XKR6: variants seen among roughly 807,000 people sequenced by gnomAD.
The protein encoded by XKR6 is XK-related protein 6.
Under a neutral mutation model 56.7 loss-of-function variants are expected in XKR6, and 22 were observed. The ratio of observed to expected loss-of-function variants is 0.39; its 90% confidence interval spans 0.28 to 0.55. The LOEUF (loss-of-function observed/expected upper bound fraction) is 0.55, where lower values mean the gene tolerates loss of function less well. XKR6 is among the 20% of genes least tolerant of loss of function. The pLI is 0.66. For missense variants in XKR6, 852 were observed against 889.0 expected (o/e 0.96, Z 0.53); for synonymous variants, 524 against 387.8 (o/e 1.35, Z -4.13).
chr8:11,003,475 C>T (rs1197032514), intron 1 of XKR6, among the ~76,000 whole-genome samples: 1 of 152,200 alleles, frequency 6.6e-6, no homozygotes, highest in Non-Finnish European at 1.5e-5. Context: ...CATCAACCAC[C>T]ACCATCACCA....
intron 1 of XKR6, among the ~76,000 whole-genome samples, chr8:11,011,325 G>A (rs1355274032): frequency 2.0e-5 from 3 of 152,230 alleles, no homozygotes; most frequent in Admixed American, 6.5e-5. Context: ...GGCCAGCAAG[G>A]CTTCCCGGGG....
chr8:11,119,225 C>A lies in XKR6; in HGVS notation c.764+81351G>T, dbSNP rs1799328194. Among the ~76,000 whole-genome samples, 9 of 152,120 alleles carry A rather than the reference C, an allele frequency of 5.9e-5. No individual in the cohort carries two copies. In the South Asian group the frequency reaches 1.9e-3, roughly 32 times the overall value. On this transcript the variant is annotated intron_variant, in intron 1 of 2. Transcript: ENST00000416569. ...ACATTTGCTGAGGAGTGCTTTACTT[C>A]CAACTATGTGGTCAATTTTGGAATA...
chr8:10,907,367 A>G (rs1056653423), intron 2 of XKR6, among the ~76,000 whole-genome samples: 5 of 152,204 alleles, frequency 3.3e-5, no homozygotes, highest in African/African-American at 1.2e-4. Context: ...CTTCATGCAT[A>G]TCATGTCATC....
intron 1 of XKR6, among the ~76,000 whole-genome samples, chr8:11,084,035 C>T (rs1271729463): frequency 6.6e-6 from 1 of 152,218 alleles, no homozygotes; most frequent in Non-Finnish European, 1.5e-5. Flanking sequence ...TCCCTAAGTC[C>T]TGGCTTCCAG....
chr8:11,200,886 C>T lies in XKR6; in HGVS notation c.454G>A (p.Asp152Asn). Residue 152 changes from aspartate to asparagine, a missense_variant, in exon 1 of 3, where the codon GAC becomes AAC. Asp to Asn is a conservative substitution (Grantham distance 23, BLOSUM62 1). This residue lies in a region of XKR6 where 417 missense variants were observed against 355.2 expected (regional missense o/e 1.17). Transcript: ENST00000416569. The surrounding 1 kb of genome is among the most constrained non-coding windows in gnomAD (Gnocchi z 6.4). ...ACGTAGTCCCCCTTGCGGTAGTAGT[C>T]GAGGGCCAGCCACAGGTCGGTGCCC... ...DVGTDLWLAL[D>N]YYRKGDYVYF... 1.9e-6 allele frequency: 3 copies of T among 1,611,136 alleles called. No individual in the cohort carries two copies. The highest frequency in any genetic ancestry group is 2.5e-6 in the Non-Finnish European group (3 of 1,179,364).
At chr8:10,900,395 C>G (rs1800002084) in intron 2 of XKR6, among the ~76,000 whole-genome samples, 1 of 152,212 alleles carries the variant, frequency 6.6e-6, no homozygotes, top group African/African-American at 2.4e-5. Context: ...ACTCTCCCAG[C>G]ACTGGCTCTG....
chr8:11,049,750 AAAG>A (rs1393675333), intron 1 of XKR6, among the ~76,000 whole-genome samples: 1 of 152,204 alleles, frequency 6.6e-6, no homozygotes, highest in Non-Finnish European at 1.5e-5. Context: ...GATGGGTGAG[AAAG>A]AAGAAGAAAA....
intron 1 of XKR6, among the ~76,000 whole-genome samples, chr8:11,157,469 T>G (rs1231897826): frequency 6.7e-6 from 1 of 150,002 alleles, no homozygotes; most frequent in East Asian, 1.9e-4. Context: ...AAACCTAAAA[T>G]TATTTTAAAA....
chr8:10,898,677 T>C lies in XKR6; in HGVS notation c.1201A>G (p.Ile401Val). The change falls in exon 3 of 3, where the codon ATC becomes GTC. Residue 401 changes from isoleucine to valine, a missense_variant. Coordinates refer to ENST00000416569, the MANE Select transcript of XKR6 (RefSeq NM_173683.4). This position sits in a 1 kb window ranked among gnomAD's most constrained non-coding sequence, Gnocchi z 6.6. ...CAGAAGTCTGTTCCGCCATGGATGA[T>C]CCAGAAGGCCATGGCGCACCAGTGA... ...VVHWCAMAFW[I>V]IHGGTDFCMS... is the part of the protein sequence containing the mutation. 6.2e-7 allele frequency: 1 copy of C among 1,614,030 alleles called. No individual in the cohort carries two copies. The highest frequency in any genetic ancestry group is 8.5e-7 in the Non-Finnish European group (1 of 1,180,026).
At chr8:11,120,003 TC>T (rs1192486588) in intron 1 of XKR6, among the ~76,000 whole-genome samples, 2 of 152,180 alleles carry the variant, frequency 1.3e-5, no homozygotes, top group Non-Finnish European at 2.9e-5. Flanking sequence ...TGCTAAAAAC[TC>T]TCAATAAATT....
chr8:11,121,707 A>G (rs1335086363), intron 1 of XKR6, among the ~76,000 whole-genome samples: 1 of 152,234 alleles, frequency 6.6e-6, no homozygotes, highest in Non-Finnish European at 1.5e-5. Flanking sequence ...AGGATTATAA[A>G]TCATGCTGCT....
intron 1 of XKR6, among the ~76,000 whole-genome samples, chr8:11,081,433 G>A (rs1201551314): frequency 6.6e-6 from 1 of 152,202 alleles, no homozygotes; most frequent in Non-Finnish European, 1.5e-5. Context: ...CTGCACGACA[G>A]TTCATCACAA....
intron 1 of XKR6, among the ~76,000 whole-genome samples, chr8:11,119,775 C>T (rs1039997681): frequency 9.2e-5 from 14 of 151,968 alleles, no homozygotes; most frequent in South Asian, 2.1e-4. Context: ...AACATTGATG[C>T]AAAAATCCTC....
intron 1 of XKR6, among the ~76,000 whole-genome samples, chr8:11,151,116 C>G (rs1228474402): frequency 2.6e-5 from 4 of 152,136 alleles, no homozygotes; most frequent in Non-Finnish European, 5.9e-5. Flanking sequence ...ATTCCCTAAC[C>G]TCTTCAGGAT....
intron 1 of XKR6, among the ~76,000 whole-genome samples, chr8:11,155,005 A>G (rs1801446903): frequency 6.6e-6 from 1 of 152,238 alleles, no homozygotes; most frequent in African/African-American, 2.4e-5. Context: ...TTCAAGCAGC[A>G]CAGCTTCATA....
At chr8:11,151,722 C>G (rs1014276555) in intron 1 of XKR6, among the ~76,000 whole-genome samples, 2 of 151,534 alleles carry the variant, frequency 1.3e-5, no homozygotes, top group African/African-American at 4.9e-5. Flanking sequence ...TTTTCTCAAG[C>G]TTGTTCAATA....
intron 1 of XKR6, among the ~76,000 whole-genome samples, chr8:11,187,717 A>G (rs1803350327): frequency 6.6e-6 from 1 of 152,338 alleles, no homozygotes; most frequent in Middle Eastern, 3.4e-3. Flanking sequence ...TAGTCACCTC[A>G]GTATCTGCTG....
chr8:11,180,744 A>G (rs958223481), intron 1 of XKR6, among the ~76,000 whole-genome samples: 1 of 151,882 alleles, frequency 6.6e-6, no homozygotes, highest in Non-Finnish European at 1.5e-5. Flanking sequence ...AACTCCACAA[A>G]AAAAATATAA....
At chr8:11,041,211 T>C (rs546093760) in intron 1 of XKR6, among the ~76,000 whole-genome samples, 1 of 152,284 alleles carries the variant, frequency 6.6e-6, no homozygotes, top group South Asian at 2.1e-4. Context: ...ACTTGGATGA[T>C]GCTTGTAACA....
Sources: allele counts gnomAD v4.1 joint callset (sites outside exome capture counted in the v4.1 genomes callset), GRCh38; gene constraint gnomAD v4.1.1; regional missense constraint gnomAD v4.1.1; non-coding constraint Gnocchi (gnomAD v3.1); transcripts MANE v1.5; gene names NCBI Gene and HGNC (gene_info 2026-07-23, HGNC 2026-07-21).